DNAJA1: variants seen among roughly 807,000 people sequenced by gnomAD.
The protein encoded by DNAJA1 is dnaJ homolog subfamily A member 1.
In DNAJA1, 26 loss-of-function variants were observed where a neutral mutation model predicts 47.6. The ratio of observed to expected loss-of-function variants is 0.55; its 90% CI spans 0.40 to 0.76. DNAJA1 has a LOEUF of 0.76. DNAJA1 is among the 30% of genes least tolerant of loss of function. The probability of loss-of-function intolerance (pLI) is 0.00; values close to 1 mark genes in which losing one functional copy is unlikely to be tolerated. For missense variants in DNAJA1, 315 were observed against 485.0 expected (o/e 0.65, Z 3.29); for synonymous variants, 165 against 158.4 (o/e 1.04, Z -0.31).
chr9:33,038,724 CTG>C lies in DNAJA1; in HGVS notation c.1017_1018del (p.Ser340PhefsTer16). On this transcript the variant is annotated frameshift_variant, in exon 9 of 9. Transcript: ENST00000330899. LOFTEE classifies it high-confidence loss of function. ...GAATGGCTTTCTCTCTCCTGATAAA[CTG>C]TCTTTGCTGGAAAAACTCCTACCCG... is the stretch of plus-strand genomic sequence containing the variant. Reference protein sequence around the residue: ...PENGFLSPDKLSLLEKLLPER... With the variant: ...PENGFLSPDKXSLLEKLLPER... 1.2e-6 allele frequency: 2 copies of C among 1,614,162 alleles called. No individual in the cohort carries two copies. The highest frequency in any genetic ancestry group is 1.7e-6 in the Non-Finnish European group (2 of 1,180,022).
At chr9:33,026,731 T>G (rs1336604410) in intron 2 of DNAJA1, 82 bp from the exon 3 acceptor site, 3 of 1,570,692 alleles carry the variant, frequency 1.9e-6, no homozygotes, top group Non-Finnish European at 2.6e-6. Context: ...CTTCTCGGCC[T>G]TTTTAGCTAA....
chr9:33,026,217 T>C (rs1838842306), intron 1 of DNAJA1, among the ~76,000 whole-genome samples: 1 of 152,218 alleles, frequency 6.6e-6, no homozygotes, highest in South Asian at 2.1e-4. Context: ...GTTATATTAG[T>C]ATGGAAGCTT....
At chr9:33,030,366 ATTGTC>A in intron 4 of DNAJA1, 69 bp from the exon 5 acceptor site, 1 of 1,397,252 alleles carries the variant, frequency 7.2e-7, no homozygotes, top group Non-Finnish European at 9.8e-7. Flanking sequence ...GCATTTAGGA[ATTGTC>A]TTCTTAAAAC....
rs1249751097 is a variant in DNAJA1, at chr9:33,036,957, C to T, written c.875-58C>T. On this transcript the variant is annotated intron_variant, in intron 7 of 8. Coordinates refer to ENST00000330899, the MANE Select transcript of DNAJA1 (RefSeq NM_001539.4). ...AGGACAGTGCTCTGTTCTTTATATT[C>T]CCTGCCTCATAAAAATGTGACCATA... is the stretch of plus-strand genomic sequence containing the variant. 8.2e-6 allele frequency: 12 copies of T among 1,464,676 alleles called. No individual in the cohort carries two copies. In the South Asian group the frequency reaches 1.2e-4, roughly 15 times the overall value. The allele number at this position is 1,464,676 out of a possible 1,614,324, so 90.7% of individuals were successfully genotyped here.
chr9:33,028,501 G>T (rs74542287), intron 3 of DNAJA1, among the ~76,000 whole-genome samples: 5,894 of 152,230 alleles, frequency 0.039, 186 homozygotes, highest in East Asian at 0.13. Flanking sequence ...TTGGGAAATT[G>T]TTTATTCAGT....
rs765543456 is a variant in DNAJA1, at chr9:33,038,982, C to T, written c.*79C>T. ...TGAAGGACTGTAATCATAATATGCT[C>T]ACTACTTGCTCTTGTTTTTGTTTTA... is the stretch of plus-strand genomic sequence containing the variant. On this transcript the variant is annotated 3_prime_UTR_variant, in exon 9 of 9. Transcript: ENST00000330899. 4.3e-5 allele frequency: 56 copies of T among 1,287,394 alleles called. No homozygotes were observed. The highest frequency in any genetic ancestry group is 5.6e-5 in the Non-Finnish European group (51 of 917,344). 79.7% of individuals were successfully genotyped at this position (1,287,394 alleles called of 1,614,324 possible).
In DNAJA1 at chr9:33,026,646, G is replaced by A. The variant is rs758178939; in HGVS notation, c.132+30G>A. The stretch of plus-strand genomic sequence containing the variant: ...ATAGTATCTACTCTTAAACGTATCT[G>A]AATAGTTCTTTGCCAGACGTATAGT... On this transcript the variant is annotated intron_variant, in intron 2 of 8. Transcript: ENST00000330899. 4.4e-6 allele frequency: 7 copies of A among 1,586,904 alleles called. No homozygotes were observed. The South Asian group carries it at 5.8e-5, about 13-fold the overall frequency.
Position 33,036,688 on chromosome 9 carries a change from A to G in DNAJA1, c.873A>G (p.Pro291=), listed in dbSNP as rs747189697. The G allele has an allele frequency of 1.2e-6, 2 of 1,605,558 alleles. No homozygotes were observed. Among genetic ancestry groups the G allele is most frequent in the Non-Finnish European group, 1.7e-6 (2 of 1,174,906 alleles). The change falls in exon 7 of 9, where the codon CCA becomes CCG. Residue 291 remains proline, a splice_region_variant and synonymous_variant. Transcript: ENST00000330899. The part of the protein sequence containing the change: ...DNRTIVITSH[P]GQIVKHGDIK... Reference sequence around the variant, plus strand: ...GAACCATCGTCATCACCTCTCATCCAGGTATGGGAACTAGGCAAGCTTAAA... The same window carrying G: ...GAACCATCGTCATCACCTCTCATCCGGGTATGGGAACTAGGCAAGCTTAAA...
Position 33,033,217 on chromosome 9 carries a change from C to T in DNAJA1, c.644-999C>T, listed in dbSNP as rs146619658. On this transcript the variant is annotated intron_variant, in intron 5 of 8. Coordinates refer to ENST00000330899, the MANE Select transcript of DNAJA1 (RefSeq NM_001539.4). The stretch of plus-strand genomic sequence containing the variant: ...TTGCCCTGTTAGAAAATACTCCTCC[C>T]CTTGTATTTTACGGACCACATGGGC... Among the ~76,000 whole-genome samples, 311 of 151,440 alleles carry T rather than the reference C, an allele frequency of 2.1e-3. 2 individuals carry two copies. Among genetic ancestry groups the T allele is most frequent in the African/African-American group, 7.3e-3 (302 of 41,308 alleles).
At chr9:33,036,805 T>G in intron 7 of DNAJA1, 116 bp downstream of exon 7, 1 of 831,314 alleles carries the variant, frequency 1.2e-6, no homozygotes, top group Non-Finnish European at 1.9e-6. Context: ...CTTTCTCGGT[T>G]ACATATCCTT....
chr9:33,030,413 A>G (rs762414764), intron 4 of DNAJA1, 27 bp from the exon 5 acceptor site: 2 of 1,585,384 alleles, frequency 1.3e-6, no homozygotes, highest in African/African-American at 1.4e-5. Flanking sequence ...TAATTCATAC[A>G]TTATTTAATT....
chr9:33,035,827 G>A (rs1054901863), intron 6 of DNAJA1, among the ~76,000 whole-genome samples: 1 of 152,194 alleles, frequency 6.6e-6, no homozygotes, highest in African/African-American at 2.4e-5. Context: ...GAAGGAGGAA[G>A]TGGGCTGTTA....
intron 3 of DNAJA1, among the ~76,000 whole-genome samples, 179 bp downstream of exon 3, chr9:33,027,169 T>C (rs79516065): frequency 2.8e-5 from 4 of 144,602 alleles, no homozygotes; most frequent in Admixed American, 6.9e-5. Context: ...TTTTTTTTTT[T>C]CTTGAGACGG....
In DNAJA1 at chr9:33,039,061, A is replaced by T; in HGVS notation, c.*158A>T. 1 of 732,644 alleles carries T rather than the reference A, an allele frequency of 1.4e-6. No individual in the cohort carries two copies. Among genetic ancestry groups the T allele is most frequent in the Non-Finnish European group, 2.2e-6 (1 of 458,292 alleles). 45.4% of individuals were successfully genotyped at this position (732,644 alleles called of 1,614,324 possible). The stretch of plus-strand genomic sequence containing the variant: ...AAATGAAGAATAAACGCAAATATAA[A>T]AGCTCTGATTTTGCCCTGTATGTAT... On this transcript the variant is annotated 3_prime_UTR_variant, in exon 9 of 9. Coordinates refer to ENST00000330899, the MANE Select transcript of DNAJA1 (RefSeq NM_001539.4).
At chr9:33,030,072 T>C (rs536276124) in intron 4 of DNAJA1, 83 bp downstream of exon 4, 1 of 1,305,688 alleles carries the variant, frequency 7.7e-7, no homozygotes, top group African/African-American at 1.5e-5. Flanking sequence ...GACTTCTAGA[T>C]AGATATGTAA....
chr9:33,038,815 A>G lies in DNAJA1; in HGVS notation c.1106A>G (p.Asn369Ser), dbSNP rs1839073857. The G allele has an allele frequency of 2.5e-6, 4 of 1,614,038 alleles. No individual in the cohort carries two copies. The highest frequency in any genetic ancestry group is 1.3e-5 in the African/African-American group (1 of 74,934). The change falls in exon 9 of 9, where the codon AAT becomes AGT. Residue 369 changes from asparagine (N) to serine (S), a missense_variant. This residue lies in a region of DNAJA1 where 162 missense variants were observed against 185.4 expected (regional missense o/e 0.87). Coordinates refer to ENST00000330899, the MANE Select transcript of DNAJA1 (RefSeq NM_001539.4). ...DQVELVDFDP[N>S]QERRRHYNGE... is the part of the protein sequence containing the mutation. ...GTAGAACTGGTGGACTTTGATCCAA[A>G]TCAGGAAAGACGGCGCCACTACAAT... is the stretch of plus-strand genomic sequence containing the variant.
At chr9:33,033,608 T>G (rs1158909432) in intron 5 of DNAJA1, among the ~76,000 whole-genome samples, 1 of 152,094 alleles carries the variant, frequency 6.6e-6, no homozygotes, top group Non-Finnish European at 1.5e-5. Flanking sequence ...GAGGATCACT[T>G]GAGCCCAGGA....
rs569868354 is a variant in DNAJA1 at position 33,026,372 on chromosome 9, T to G, written c.-10-103T>G. ...TTGGTGAAATTTAGGGAAGGTGGTG[T>G]TCTTATAATCGGATTTTGCAAAGAG... is the stretch of plus-strand genomic sequence containing the variant. On this transcript the variant is annotated intron_variant, in intron 1 of 8. Transcript: ENST00000330899. The G allele has an allele frequency of 1.2e-4, 149 of 1,272,910 alleles. 1 individual carries two copies. The African/African-American group carries it at 1.9e-3, about 16-fold the overall frequency. 78.9% of individuals were successfully genotyped at this position (1,272,910 alleles called of 1,614,324 possible).
In DNAJA1 at chr9:33,029,997, G is replaced by GT. The variant is rs747769515; in HGVS notation, c.415+15dup. The stretch of plus-strand genomic sequence containing the variant: ...TTTGTGACAAATGTGAAGGTACGGT[G>GT]TTTTTTTGTTTTGTTTTGTTTTGTT... On this transcript the variant is annotated intron_variant, in intron 4 of 8. Transcript: ENST00000330899. 892 of 1,608,098 alleles carry GT rather than the reference G, an allele frequency of 5.5e-4. No homozygotes were observed. The highest frequency in any genetic ancestry group is 6.8e-4 in the Non-Finnish European group (801 of 1,178,360).
Sources: allele counts gnomAD v4.1 joint callset (sites outside exome capture counted in the v4.1 genomes callset), GRCh38; gene constraint gnomAD v4.1.1; regional missense constraint gnomAD v4.1.1; transcripts MANE v1.5; gene names NCBI Gene and HGNC (gene_info 2026-07-23, HGNC 2026-07-21).